Variants in RELN observed in about 807,000 individuals in gnomAD.
RELN encodes reelin.
RELN carries 108 observed loss-of-function variants against 427.6 expected under a neutral mutation model. The ratio of observed to expected loss-of-function variants is 0.25; its 90% confidence interval spans 0.22 to 0.30. The LOEUF (loss-of-function observed/expected upper bound fraction) is 0.30, where lower values mean the gene tolerates loss of function less well. Ranked by LOEUF, RELN falls within the 10% of genes least tolerant of loss-of-function variation. The probability of loss-of-function intolerance (pLI) is 1.00; values close to 1 mark genes in which losing one functional copy is unlikely to be tolerated. For synonymous variants in RELN, 1,524 were observed against 1,513.4 expected (o/e 1.01, Z -0.16); for missense variants, 3,715 against 4,302.8 (o/e 0.86, Z 3.82).
chr7:103,845,997 A>G (rs1331961340), intron 2 of RELN, among the ~76,000 whole-genome samples: 2 of 152,228 alleles, frequency 1.3e-5, no homozygotes, highest in Non-Finnish European at 2.9e-5. Flanking sequence ...GGAAATGGCC[A>G]TACTGCTCAA....
intron 1 of RELN, among the ~76,000 whole-genome samples, chr7:103,959,074 T>C (rs766748890): frequency 9.9e-5 from 15 of 151,062 alleles, no homozygotes; most frequent in Non-Finnish European, 1.9e-4. Context: ...TCCTGAGTAG[T>C]TGGGATTACA....
At chr7:103,670,539 GT>G (rs5886264) in intron 11 of RELN, among the ~76,000 whole-genome samples, 87,507 of 151,242 alleles carry the variant, frequency 0.58, 25,459 homozygotes, top group South Asian at 0.65. Flanking sequence ...TGTTTTGCGG[GT>G]TTTTTTTTGG....
intron 1 of RELN, among the ~76,000 whole-genome samples, chr7:103,929,066 C>G (rs1328724168): frequency 6.6e-6 from 1 of 152,108 alleles, no homozygotes; most frequent in Non-Finnish European, 1.5e-5. Context: ...TGCTGGATGC[C>G]AGGGTGCAAC....
rs1554389153 is a variant in RELN, at chr7:103,603,771, A to T, written c.3147-281T>A. On this transcript the variant is annotated intron_variant, in intron 23 of 64. Transcript: ENST00000428762. The surrounding 1 kb of genome is among the most constrained non-coding windows in gnomAD (Gnocchi z 4.3). The stretch of plus-strand genomic sequence containing the variant: ...GGACAGTGGTGTGTGTGCTTATGTG[A>T]GTGTGTGTTTGTGGGGGGCTGAGGG... Among the ~76,000 whole-genome samples, 1 of 152,110 alleles carries T rather than the reference A, an allele frequency of 6.6e-6. No individual in the cohort carries two copies. Among genetic ancestry groups the T allele is most frequent in the Non-Finnish European group, 1.5e-5 (1 of 68,008 alleles).
At chr7:103,838,208 C>CAAGAAAA (rs1491227842) in intron 2 of RELN, among the ~76,000 whole-genome samples, 1 of 81,082 alleles carries the variant, frequency 1.2e-5, no homozygotes, top group African/African-American at 5.1e-5. Context: ...GACTTCGTCT[C>CAAGAAAA]AAAAAAAAAA....
At chr7:103,676,877 C>A (rs768574617) in intron 11 of RELN, among the ~76,000 whole-genome samples, 1 of 151,040 alleles carries the variant, frequency 6.6e-6, no homozygotes, top group Non-Finnish European at 1.5e-5. Flanking sequence ...CATCACACAG[C>A]GGGGCCTGTC....
chr7:103,908,220 TC>T (rs1160159907), intron 2 of RELN, among the ~76,000 whole-genome samples: 15 of 152,094 alleles, frequency 9.9e-5, no homozygotes, highest in Admixed American at 3.3e-4. Context: ...TGAGTGCAGC[TC>T]CCCAAAATTA....
chr7:103,582,155 T>C (rs1584316128), intron 28 of RELN, among the ~76,000 whole-genome samples: 2 of 152,218 alleles, frequency 1.3e-5, no homozygotes, highest in Admixed American at 1.3e-4. Flanking sequence ...CTGGAACAGA[T>C]GCCCTGGATC....
chr7:103,803,272 C>A (rs1792514327), intron 3 of RELN, among the ~76,000 whole-genome samples: 2 of 152,132 alleles, frequency 1.3e-5, no homozygotes, highest in Admixed American at 6.6e-5. Context: ...CTTTTGTTCA[C>A]ACTAATGTAC....
chr7:103,561,410 A>G (rs147394098), intron 36 of RELN, 122 bp downstream of exon 36: 31 of 873,062 alleles, frequency 3.6e-5, no homozygotes, highest in South Asian at 1.1e-4. Flanking sequence ...CTAAAAGTCA[A>G]TAACTATGTA....
intron 11 of RELN, among the ~76,000 whole-genome samples, chr7:103,671,136 G>C (rs914186111): frequency 6.6e-6 from 1 of 152,016 alleles, no homozygotes; most frequent in Admixed American, 6.6e-5. Flanking sequence ...TATTCATGAG[G>C]TTTATCTCTA....
rs764233875 is a variant in RELN at position 103,566,432 on chromosome 7, G to C, written c.4748-20C>G. The C allele has an allele frequency of 6.2e-7, 1 of 1,612,524 alleles. No individual in the cohort carries two copies. Among genetic ancestry groups the C allele is most frequent in the South Asian group, 1.1e-5 (1 of 91,048 alleles). On this transcript the variant is annotated intron_variant, in intron 32 of 64. Coordinates refer to ENST00000428762, the MANE Select transcript of RELN (RefSeq NM_005045.4). ...GCTTCCCTGCAATCAGATGAATAAA[G>C]GTGGTTAGAGAAGTTTTGTTACATA...
chr7:103,775,281 CA>C (rs1791710166), intron 4 of RELN, among the ~76,000 whole-genome samples: 1 of 151,944 alleles, frequency 6.6e-6, no homozygotes, highest in Admixed American at 6.6e-5. Flanking sequence ...TCTGTGCTCT[CA>C]AAAGTCACAG....
intron 4 of RELN, among the ~76,000 whole-genome samples, chr7:103,755,476 C>T (rs780127955): frequency 3.3e-5 from 5 of 151,844 alleles, no homozygotes; most frequent in East Asian, 3.9e-4. Context: ...GGCGTGGTGG[C>T]GGTCGCCTGT....
At position 103,539,320 on chromosome 7, in the gene RELN, A is replaced by G. The variant is rs141004002; in HGVS notation, c.6938T>C (p.Ile2313Thr). The G allele has an allele frequency of 3.7e-6, 6 of 1,613,916 alleles. No individual in the cohort carries two copies. In the East Asian group the frequency reaches 8.9e-5, roughly 24 times the overall value. The change falls in exon 45 of 65, where the codon ATT becomes ACT. Residue 2313 changes from isoleucine to threonine, a missense_variant. Ile to Thr is a moderately conservative substitution (Grantham distance 89). This residue lies in a region of RELN where 1,310 missense variants were observed against 1,643.0 expected (regional missense o/e 0.80). Coordinates refer to ENST00000428762, the MANE Select transcript of RELN (RefSeq NM_005045.4). ...CGTATTACCAGAAATATTTCCTCCA[A>G]TAAGAATCTGAAATGTATTTTTAAA... ...YSPWVIDQILIGGNISGNTVL... is the reference protein window; with the variant it reads ...YSPWVIDQILTGGNISGNTVL...
chr7:103,552,634 C>T (rs1311150503), intron 40 of RELN, among the ~76,000 whole-genome samples: 1 of 151,554 alleles, frequency 6.6e-6, no homozygotes, highest in Admixed American at 6.6e-5. Context: ...TCCTAAGTCA[C>T]TGAGATTACA....
intron 6 of RELN, among the ~76,000 whole-genome samples, chr7:103,737,073 T>C (rs1052513354): frequency 6.6e-6 from 1 of 152,006 alleles, no homozygotes; most frequent in Non-Finnish European, 1.5e-5. Flanking sequence ...AAGATTCATA[T>C]ATGATCAAAA....
At chr7:103,552,921 TAA>T (rs750545166) in intron 40 of RELN, among the ~76,000 whole-genome samples, 7 of 152,188 alleles carry the variant, frequency 4.6e-5, no homozygotes, top group Non-Finnish European at 8.8e-5. Context: ...TGATTTTATC[TAA>T]GTTTTTGAAA....
intron 1 of RELN, among the ~76,000 whole-genome samples, chr7:103,958,957 AT>A (rs1391964313): frequency 6.6e-6 from 1 of 151,934 alleles, no homozygotes. Flanking sequence ...CAGTCCAATA[AT>A]TTTTTCCTTT....
Sources: allele counts gnomAD v4.1 joint callset (sites outside exome capture counted in the v4.1 genomes callset), GRCh38; gene constraint gnomAD v4.1.1; regional missense constraint gnomAD v4.1.1; non-coding constraint Gnocchi (gnomAD v3.1); transcripts MANE v1.5; gene names NCBI Gene and HGNC (gene_info 2026-07-23, HGNC 2026-07-21).